Variants in KLF4 observed in about 807,000 individuals in gnomAD.
The protein encoded by KLF4 is Krueppel-like factor 4.
A neutral mutation model predicts 38.0 loss-of-function variants in KLF4; 14 were observed. That is an observed-to-expected ratio of 0.37 (90% CI 0.24 to 0.58). The LOEUF (loss-of-function observed/expected upper bound fraction) is 0.58, where lower values mean the gene tolerates loss of function less well. Ranked by LOEUF, KLF4 falls within the 20% of genes least tolerant of loss-of-function variation. KLF4 has a pLI of 0.76. For synonymous variants in KLF4, 398 were observed against 302.5 expected (o/e 1.32, Z -3.28); for missense variants, 737 against 670.1 (o/e 1.10, Z -1.10).
At position 107,487,704 on chromosome 9, in the gene KLF4, C is replaced by T. The variant is rs776389192; in HGVS notation, c.690G>A (p.Val230=). The stretch of plus-strand genomic sequence containing the variant: ...CAGGGGCGCTCAGCGACGCCTTCAG[C>T]ACGAACTTGCCCATCAGCCCGCCAC... The part of the protein sequence containing the change: ...PPGGGLMGKF[V]LKASLSAPGS... Residue 230 remains valine (V), a synonymous_variant, in exon 3 of 5, where the codon GTG becomes GTA. Transcript: ENST00000374672. The surrounding 1 kb of genome is among the most constrained non-coding windows in gnomAD (Gnocchi z 6.1). 1.9e-6 allele frequency: 3 copies of T among 1,604,540 alleles called. No homozygotes were observed. The Admixed American group carries it at 5.1e-5, about 27-fold the overall frequency.
At chr9:107,486,342 C>CT (rs964513644) in intron 4 of KLF4, among the ~76,000 whole-genome samples, 2 of 151,528 alleles carry the variant, frequency 1.3e-5, no homozygotes, top group Admixed American at 6.6e-5. Context: ...CAGGTGGCTA[C>CT]TTTTTTTTTC....
In KLF4 at chr9:107,485,657, G is replaced by T; in HGVS notation, c.*94C>A. ...CTTGACCATGATTGTAGTGCTTTCT[G>T]GCTGGGCTCCTTCCCTCATCGGGAA... is the stretch of plus-strand genomic sequence containing the variant. On this transcript the variant is annotated 3_prime_UTR_variant, in exon 5 of 5. Transcript: ENST00000374672. This position sits in a 1 kb window ranked among gnomAD's most constrained non-coding sequence, Gnocchi z 4.9. The T allele has an allele frequency of 8.0e-7, 1 of 1,244,024 alleles. No individual in the cohort carries two copies. Among genetic ancestry groups the T allele is most frequent in the Non-Finnish European group, 1.1e-6 (1 of 915,104 alleles). The allele number at this position is 1,244,024 out of a possible 1,614,324, so 77.1% of individuals were successfully genotyped here.
Position 107,489,277 on chromosome 9 carries a change from T to C in KLF4, c.-105A>G, listed in dbSNP as rs1030588040. The C allele has an allele frequency of 4.5e-6, 6 of 1,346,522 alleles. No homozygotes were observed. The highest frequency in any genetic ancestry group is 1.5e-5 in the African/African-American group (1 of 65,794). The allele number at this position is 1,346,522 out of a possible 1,614,324, so 83.4% of individuals were successfully genotyped here. On this transcript the variant is annotated 5_prime_UTR_variant, in exon 1 of 5. Transcript: ENST00000374672. ...CGAAGCCAAAACCCAAAACCCCAAA[T>C]TGGCCGAGATCCTTCTTCTTTGGAT...
At chr9:107,486,892 G>A (rs1232844399) in intron 4 of KLF4, 136 bp downstream of exon 4, 8 of 1,535,396 alleles carry the variant, frequency 5.2e-6, no homozygotes, top group Non-Finnish European at 7.1e-6. Flanking sequence ...AGCCAAGGAG[G>A]CACTGAGGAG....
At chr9:107,486,985 G>A (rs1829074475) in intron 4 of KLF4, 43 bp downstream of exon 4, 1 of 1,614,082 alleles carries the variant, frequency 6.2e-7, no homozygotes, top group Non-Finnish European at 8.5e-7. Flanking sequence ...AGCCTATGGG[G>A]CTGGAAGCTA....
In KLF4 at chr9:107,489,588, C is replaced by G. The variant is rs1052136494; in HGVS notation, c.-416G>C. 6.2e-5 allele frequency: 12 copies of G among 193,986 alleles called. No homozygotes were observed. The highest frequency in any genetic ancestry group is 1.2e-4 in the Non-Finnish European group (12 of 97,332). The allele number at this position is 193,986 out of a possible 1,614,324, so 12.0% of individuals were successfully genotyped here. A position where few individuals can be genotyped will look rare whatever the true frequency, so the allele number is the denominator to read the frequency against. On this transcript the variant is annotated 5_prime_UTR_variant, in exon 1 of 5. Transcript: ENST00000374672. ...ACTGGTCGGCGGCGCAAGGCGCGGACTCCGGTGAGTTGTGTGGAGCGCGCG... is the reference window on the plus strand; with the variant it reads ...ACTGGTCGGCGGCGCAAGGCGCGGAGTCCGGTGAGTTGTGTGGAGCGCGCG...
At position 107,488,153 on chromosome 9, in the gene KLF4, C is replaced by A; in HGVS notation, c.241G>T (p.Ala81Ser). Residue 81 changes from alanine (A) to serine (S), a missense_variant, in exon 3 of 5, where the codon GCG becomes TCG. Ala to Ser is a moderately conservative substitution (Grantham distance 99). Transcript: ENST00000374672. The surrounding 1 kb of genome is among the most constrained non-coding windows in gnomAD (Gnocchi z 5.7). ...ATDLESGGAG[A>S]ACGGSNLAPL... ...GCCAGGTTGCTACCGCCGCAAGCCGCACCGGCTCCGCCGCTCTCCAGGTCT... is the reference window on the plus strand; with the variant it reads ...GCCAGGTTGCTACCGCCGCAAGCCGAACCGGCTCCGCCGCTCTCCAGGTCT... 6.2e-7 allele frequency: 1 copy of A among 1,612,628 alleles called. No individual in the cohort carries two copies.
chr9:107,485,183 T>C lies in KLF4; in HGVS notation c.*568A>G, dbSNP rs1446298076. On this transcript the variant is annotated 3_prime_UTR_variant, in exon 5 of 5. Coordinates refer to ENST00000374672, the MANE Select transcript of KLF4 (RefSeq NM_004235.6). This position sits in a 1 kb window ranked among gnomAD's most constrained non-coding sequence, Gnocchi z 4.9. ...ATAAATGTTGATCGGAAGACAAATATAGATTTTCCTTGTCAAAGTATGCAG... is the reference window on the plus strand; with the variant it reads ...ATAAATGTTGATCGGAAGACAAATACAGATTTTCCTTGTCAAAGTATGCAG... 2.0e-5 allele frequency: 4 copies of C among 200,990 alleles called. No individual in the cohort carries two copies. Among genetic ancestry groups the C allele is most frequent in the East Asian group, 1.6e-4 (2 of 12,840 alleles). 12.5% of individuals were successfully genotyped at this position (200,990 alleles called of 1,614,324 possible).
At position 107,485,466 on chromosome 9, in the gene KLF4, C is replaced by T. The variant is rs1037421908; in HGVS notation, c.*285G>A. ...ATAATTTATACCCTGATATCCACAA[C>T]TTCCAGTCACCCCCTTGGCATTTTG... On this transcript the variant is annotated 3_prime_UTR_variant, in exon 5 of 5. Transcript: ENST00000374672. This position sits in a 1 kb window ranked among gnomAD's most constrained non-coding sequence, Gnocchi z 4.9. The T allele has an allele frequency of 1.1e-5, 4 of 353,968 alleles. No individual in the cohort carries two copies. The highest frequency in any genetic ancestry group is 2.1e-5 in the African/African-American group (1 of 47,648). The allele number at this position is 353,968 out of a possible 1,614,324, so 21.9% of individuals were successfully genotyped here.
Position 107,489,389 on chromosome 9 carries a change from C to G in KLF4, c.-217G>C. ...AGTTGTAAACGCAAAAATAGACAAT[C>G]AGCAAGGCGAGTAAGTAGGTCCGGT... On this transcript the variant is annotated 5_prime_UTR_variant, in exon 1 of 5. Transcript: ENST00000374672. The G allele has an allele frequency of 1.8e-6, 1 of 546,420 alleles. No homozygotes were observed. The highest frequency in any genetic ancestry group is 3.0e-6 in the Non-Finnish European group (1 of 336,186). 33.8% of individuals were successfully genotyped at this position (546,420 alleles called of 1,614,324 possible).
chr9:107,488,325 TACTG>T lies in KLF4; in HGVS notation c.127-62_127-59del. The T allele has an allele frequency of 6.7e-7, 1 of 1,486,194 alleles. No individual in the cohort carries two copies. The highest frequency in any genetic ancestry group is 8.9e-7 in the Non-Finnish European group (1 of 1,122,286). The allele number at this position is 1,486,194 out of a possible 1,614,324, so 92.1% of individuals were successfully genotyped here. On this transcript the variant is annotated intron_variant, in intron 2 of 4. Transcript: ENST00000374672. This position sits in a 1 kb window ranked among gnomAD's most constrained non-coding sequence, Gnocchi z 5.7. ...GGTGGTCCCCTGTTGCCACCCGACA[TACTG>T]ACGTGCTGGCGGGCCACGCGCGACT...
chr9:107,487,766 G>C lies in KLF4; in HGVS notation c.628C>G (p.Pro210Ala). 6.4e-7 allele frequency: 1 copy of C among 1,558,244 alleles called. No individual in the cohort carries two copies. The highest frequency in any genetic ancestry group is 8.7e-7 in the Non-Finnish European group (1 of 1,150,966). ...GGCTGCTGCGGCGGAATGTACACCG[G>C]GTCCAATTCTGGCCGCAGGAGCTCG... ...VAELLRPELD[P>A]VYIPPQQPQP... Residue 210 changes from proline to alanine, a missense_variant, in exon 3 of 5, where the codon CCG becomes GCG. Pro to Ala is a conservative substitution (Grantham distance 27). Transcript: ENST00000374672. This position sits in a 1 kb window ranked among gnomAD's most constrained non-coding sequence, Gnocchi z 6.1.
rs1188702874 is a variant in KLF4, at chr9:107,487,972, G to A, written c.422C>T (p.Pro141Leu). 1.9e-6 allele frequency: 3 copies of A among 1,587,600 alleles called. No homozygotes were observed. Among genetic ancestry groups the A allele is most frequent in the Non-Finnish European group, 2.6e-6 (3 of 1,167,834 alleles). The change falls in exon 3 of 5, where the codon CCT becomes CTT. Residue 141 changes from proline (P) to leucine (L), a missense_variant. Around this residue, in one of 2 missense-constraint regions of KLF4, gnomAD observed 695 missense variants for 554.5 expected, o/e 1.25. Coordinates refer to ENST00000374672, the MANE Select transcript of KLF4 (RefSeq NM_004235.6). The surrounding 1 kb of genome is among the most constrained non-coding windows in gnomAD (Gnocchi z 6.1). ...SSSSSPSSSG[P>L]ASAPSTCSFT... ...GCTGCAGGTGGAGGGCGCGCTGGCA[G>A]GGCCGCTGCTCGACGGCGACGACGA...
rs752444736 is a variant in KLF4 at position 107,487,833 on chromosome 9, C to T, written c.561G>A (p.Leu187=). ...SAPPPTAPFN[L]ADINDVSPSG... is the part of the protein sequence containing the mutation. ...AGGGGCTCACGTCGTTGATGTCCGC[C>T]AGGTTGAAGGGAGCCGTCGGAGGGG... Residue 187 remains leucine (L), a synonymous_variant, in exon 3 of 5, where the codon CTG becomes CTA. Coordinates refer to ENST00000374672, the MANE Select transcript of KLF4 (RefSeq NM_004235.6). The surrounding 1 kb of genome is among the most constrained non-coding windows in gnomAD (Gnocchi z 6.1). 3.3e-6 allele frequency: 5 copies of T among 1,528,594 alleles called. No homozygotes were observed. In the East Asian group the frequency reaches 1.2e-4, roughly 37 times the overall value. 94.7% of individuals were successfully genotyped at this position (1,528,594 alleles called of 1,614,324 possible). A position where few individuals can be genotyped will look rare whatever the true frequency, so the allele number is the denominator to read the frequency against.
intron 4 of KLF4, 68 bp downstream of exon 4, chr9:107,486,960 G>A (rs1393688363): frequency 4.3e-6 from 7 of 1,611,816 alleles, no homozygotes; most frequent in Non-Finnish European, 5.9e-6. Flanking sequence ...GAGGCACTGA[G>A]GAGTGTCCAC....
Position 107,487,262 on chromosome 9 carries a change from C to A in KLF4, c.1099+33G>T. ...AAGTGGGGCCAGCACACACAGGGCT[C>A]CCCAGCCCGAGCTACAAATCCCCGG... On this transcript the variant is annotated intron_variant, in intron 3 of 4. Transcript: ENST00000374672. This position sits in a 1 kb window ranked among gnomAD's most constrained non-coding sequence, Gnocchi z 6.1. 2 of 1,598,116 alleles carry A rather than the reference C, an allele frequency of 1.3e-6. No individual in the cohort carries two copies. Among genetic ancestry groups the A allele is most frequent in the Non-Finnish European group, 1.7e-6 (2 of 1,171,514 alleles).
Position 107,488,250 on chromosome 9 carries a change from G to A in KLF4, c.144C>T (p.Leu48=), listed in dbSNP as rs1829123626. ...CTGGGGGAAGTCGCTTCATGTGGGA[G>A]AGCTCCTCCCGCCAGCGCTGCGGGG... ...GAPNNRWREE[L]SHMKRLPPVL... Residue 48 remains leucine, a synonymous_variant, in exon 3 of 5, where the codon CTC becomes CTT. Transcript: ENST00000374672. The surrounding 1 kb of genome is among the most constrained non-coding windows in gnomAD (Gnocchi z 5.7). The A allele has an allele frequency of 6.2e-7, 1 of 1,606,832 alleles. No homozygotes were observed. The highest frequency in any genetic ancestry group is 8.5e-7 in the Non-Finnish European group (1 of 1,177,794).
At position 107,485,743 on chromosome 9, in the gene KLF4, T is replaced by C. The variant is rs759942892; in HGVS notation, c.*8A>G. The C allele has an allele frequency of 6.3e-7, 1 of 1,579,442 alleles. No individual in the cohort carries two copies. The highest frequency in any genetic ancestry group is 8.6e-7 in the Non-Finnish European group (1 of 1,165,620). ...CTGGCAGTGTGGGTCATATCCACTG[T>C]CTGGGATTTAAAAATGCCTCTTCAT... On this transcript the variant is annotated 3_prime_UTR_variant, in exon 5 of 5. Transcript: ENST00000374672. This position sits in a 1 kb window ranked among gnomAD's most constrained non-coding sequence, Gnocchi z 4.9.
Position 107,488,288 on chromosome 9 carries a change from A to G in KLF4, c.127-21T>C. On this transcript the variant is annotated intron_variant, in intron 2 of 4. Transcript: ENST00000374672. The surrounding 1 kb of genome is among the most constrained non-coding windows in gnomAD (Gnocchi z 5.7). ...CAGCGCTGCGGGGACAGGGCGGGAG[A>G]GACCTGTCAGTGGTGGTCCCCTGTT... The G allele has an allele frequency of 1.3e-6, 2 of 1,567,646 alleles. No individual in the cohort carries two copies. Among genetic ancestry groups the G allele is most frequent in the Non-Finnish European group, 1.7e-6 (2 of 1,160,186 alleles).
Sources: allele counts gnomAD v4.1 joint callset (sites outside exome capture counted in the v4.1 genomes callset), GRCh38; gene constraint gnomAD v4.1.1; regional missense constraint gnomAD v4.1.1; non-coding constraint Gnocchi (gnomAD v3.1); transcripts MANE v1.5; gene names NCBI Gene and HGNC (gene_info 2026-07-23, HGNC 2026-07-21).